The following NEK9 variants were observed in gnomAD, a reference collection of about 807,000 sequenced individuals.
The protein encoded by NEK9 is NIMA related kinase 9.
NEK9 carries 75 observed loss-of-function variants against 123.4 expected under a neutral mutation model. That is an observed-to-expected ratio of 0.61 (90% CI 0.50 to 0.74). NEK9 has a LOEUF of 0.74. Ranked by LOEUF, NEK9 falls within the 30% of genes least tolerant of loss-of-function variation. The pLI is 0.00. For synonymous variants in NEK9, 438 were observed against 458.7 expected, an observed-to-expected ratio of 0.95 and a Z score of 0.58; for missense variants, 952 against 1,214.4, an observed-to-expected ratio of 0.78 and a Z score of 3.21.
Position 75,109,757 on chromosome 14 carries a change from A to G in NEK9, c.1110T>C (p.Ser370=). ...TATTCCCTGCACAGACCTGCCGGGC[A>G]CTACAGCCACTCTTGATAACATCCA... ...QKLDVIKSGC[S]ARQVCAGNTH... The change falls in exon 10 of 22, where the codon AGT becomes AGC. Residue 370 remains serine, a synonymous_variant. Coordinates refer to ENST00000238616, the MANE Select transcript of NEK9 (RefSeq NM_033116.6). The G allele has an allele frequency of 6.2e-7, 1 of 1,614,164 alleles. No individual in the cohort carries two copies. The highest frequency in any genetic ancestry group is 8.5e-7 in the Non-Finnish European group (1 of 1,180,024).
At chr14:75,111,300 C>T (rs1441049166) in intron 8 of NEK9, among the ~76,000 whole-genome samples, 2 of 152,200 alleles carry the variant, frequency 1.3e-5, no homozygotes, top group Admixed American at 1.3e-4. Flanking sequence ...TATAGCTGAG[C>T]TCCTAGAGTA....
chr14:75,114,458 A>C, intron 6 of NEK9, 145 bp from the exon 7 acceptor site: 1 of 498,312 alleles, frequency 2.0e-6, no homozygotes, highest in Non-Finnish European at 3.6e-6. Context: ...AGTATGCATC[A>C]AAAAAAAATG....
At position 75,084,776 on chromosome 14, in the gene NEK9, A is replaced by C. The variant is rs536542639; in HGVS notation, c.2818-90T>G. The stretch of plus-strand genomic sequence containing the variant: ...ACTATATTTTCAATGCCAACTTCTA[A>C]GGCATTGGCTAAGGCGTGGCTAAGG... On this transcript the variant is annotated intron_variant, in intron 21 of 21. Coordinates refer to ENST00000238616, the MANE Select transcript of NEK9 (RefSeq NM_033116.6). The C allele has an allele frequency of 5.2e-6, 8 of 1,536,240 alleles. No individual in the cohort carries two copies. The South Asian group carries it at 9.2e-5, about 18-fold the overall frequency.
chr14:75,094,280 G>A (rs902711459), intron 18 of NEK9, among the ~76,000 whole-genome samples: 2 of 152,302 alleles, frequency 1.3e-5, no homozygotes, highest in East Asian at 3.9e-4. Context: ...GATTGTTTAT[G>A]TATTTATTCA....
At chr14:75,110,452 G>T (rs944250648) in intron 8 of NEK9, 81 bp from the exon 9 acceptor site, 1 of 1,095,326 alleles carries the variant, frequency 9.1e-7, no homozygotes, top group Non-Finnish European at 1.4e-6. Flanking sequence ...ACATTTCACA[G>T]ATTTAATCCT....
Position 75,120,598 on chromosome 14 carries a change from A to G in NEK9, c.454-18T>C, listed in dbSNP as rs1895296589. Reference sequence around the variant, plus strand: ...ACCACCATCTGCAGAGAAAAAATAAATATTTGGATTAGAAACAAAAAGCTC... The same window carrying G: ...ACCACCATCTGCAGAGAAAAAATAAGTATTTGGATTAGAAACAAAAAGCTC... On this transcript the variant is annotated intron_variant, in intron 3 of 21. Coordinates refer to ENST00000238616, the MANE Select transcript of NEK9 (RefSeq NM_033116.6). 1 of 1,597,786 alleles carries G rather than the reference A, an allele frequency of 6.3e-7. No individual in the cohort carries two copies. The highest frequency in any genetic ancestry group is 8.6e-7 in the Non-Finnish European group (1 of 1,167,246).
At chr14:75,087,396 C>T (rs999507967) in intron 20 of NEK9, among the ~76,000 whole-genome samples, 166 bp from the exon 21 acceptor site, 2 of 152,164 alleles carry the variant, frequency 1.3e-5, no homozygotes, top group Admixed American at 6.5e-5. Flanking sequence ...ATTATAACAG[C>T]GATGGGCACT....
Position 75,100,975 on chromosome 14 carries a change from G to A in NEK9, c.2002+17C>T. 1.2e-6 allele frequency: 2 copies of A among 1,611,258 alleles called. No homozygotes were observed. The highest frequency in any genetic ancestry group is 1.1e-5 in the South Asian group (1 of 90,628). ...GCCATGTGTCCAGAAAGCTTGAAATGATATGTACAGACTCACCATCAGTGG... is the reference window on the plus strand; with the variant it reads ...GCCATGTGTCCAGAAAGCTTGAAATAATATGTACAGACTCACCATCAGTGG... On this transcript the variant is annotated intron_variant, in intron 16 of 21. Coordinates refer to ENST00000238616, the MANE Select transcript of NEK9 (RefSeq NM_033116.6).
intron 3 of NEK9, 122 bp downstream of exon 3, chr14:75,120,997 C>T (rs1330022847): frequency 2.5e-6 from 2 of 809,102 alleles, no homozygotes; most frequent in Non-Finnish European, 4.3e-6. Context: ...ATATCAGAGC[C>T]TGGAAGGAGT....
chr14:75,126,811 C>A lies in NEK9; in HGVS notation c.111G>T (p.Gly37=), dbSNP rs1452712002. ...CCGCCGCGCCGCCGCCGGCTCGCGG[C>A]CCCTGACTGGCGCTAGGCCCCGGAC... ...DSSPGPSASQ[G]PRAGGGAAEQ... The change falls in exon 1 of 22, where the codon GGG becomes GGT. Residue 37 remains glycine, a synonymous_variant. Transcript: ENST00000238616. 2 of 1,532,846 alleles carry A rather than the reference C, an allele frequency of 1.3e-6. No homozygotes were observed. Among genetic ancestry groups the A allele is most frequent in the East Asian group, 2.6e-5 (1 of 38,372 alleles). 95.0% of individuals were successfully genotyped at this position (1,532,846 alleles called of 1,614,324 possible).
At chr14:75,125,443 C>A (rs764817703) in intron 1 of NEK9, among the ~76,000 whole-genome samples, 1 of 152,110 alleles carries the variant, frequency 6.6e-6, no homozygotes, top group Non-Finnish European at 1.5e-5. Flanking sequence ...TCAAATTTAA[C>A]TCAAAACCAA....
chr14:75,123,472 C>A (rs921915246), intron 2 of NEK9, among the ~76,000 whole-genome samples: 3 of 151,792 alleles, frequency 2.0e-5, no homozygotes, highest in African/African-American at 7.3e-5. Context: ...AAGTTTCTTG[C>A]CAAGGTTATA....
At chr14:75,095,532 A>G (rs1894355086) in intron 17 of NEK9, 101 bp from the exon 18 acceptor site, 1 of 693,060 alleles carries the variant, frequency 1.4e-6, no homozygotes, top group Non-Finnish European at 2.5e-6. Flanking sequence ...TTGACTCCAG[A>G]TAACTTTAGA....
chr14:75,100,947 A>G, intron 16 of NEK9, 45 bp downstream of exon 16: 1 of 1,574,280 alleles, frequency 6.4e-7, no homozygotes, highest in Non-Finnish European at 8.6e-7. Context: ...GAACTGAAAC[A>G]CAGCCATGTG....
intron 12 of NEK9, 198 bp from the exon 13 acceptor site, chr14:75,106,194 C>T: frequency 1.7e-6 from 1 of 595,382 alleles, no homozygotes; most frequent in South Asian, 2.0e-5. Context: ...CCCATCTCTA[C>T]TAAAAATACA....
Position 75,101,879 on chromosome 14 carries a change from T to G in NEK9, c.1732-114A>C, listed in dbSNP as rs1295933017. 33 of 671,448 alleles carry G rather than the reference T, an allele frequency of 4.9e-5. No individual in the cohort carries two copies. In the East Asian group the frequency reaches 5.0e-4, roughly 10 times the overall value. 41.6% of individuals were successfully genotyped at this position (671,448 alleles called of 1,614,324 possible). A position where few individuals can be genotyped will look rare whatever the true frequency, so the allele number is the denominator to read the frequency against. ...AAAAGGCCTTTCAAGTAAGTTATAT[T>G]ACTAAGAAGAGGGTGCCAGGTAGTT... On this transcript the variant is annotated intron_variant, in intron 14 of 21. Coordinates refer to ENST00000238616, the MANE Select transcript of NEK9 (RefSeq NM_033116.6).
chr14:75,124,540 T>C (rs747470469), intron 1 of NEK9, among the ~76,000 whole-genome samples: 2 of 151,992 alleles, frequency 1.3e-5, no homozygotes, highest in Non-Finnish European at 1.5e-5. Flanking sequence ...CTAATCATGA[T>C]GGTGATTATG....
chr14:75,126,828 G>GCCCCGGACTCGAGTCCCCGCAAC lies in NEK9; in HGVS notation c.71_93dup (p.Pro32ValfsTer62), dbSNP rs1895550739. 1 of 1,533,876 alleles carries GCCCCGGACTCGAGTCCCCGCAAC rather than the reference G, an allele frequency of 6.5e-7. No individual in the cohort carries two copies. Among genetic ancestry groups the GCCCCGGACTCGAGTCCCCGCAAC allele is most frequent in the Non-Finnish European group, 8.8e-7 (1 of 1,140,722 alleles). ...GCTCGCGGCCCCTGACTGGCGCTAG[G>GCCCCGGACTCGAGTCCCCGCAAC]CCCCGGACTCGAGTCCCCGCAACCC... is the stretch of plus-strand genomic sequence containing the variant. On this transcript the variant is annotated frameshift_variant, in exon 1 of 22. Transcript: ENST00000238616. LOFTEE classifies it high-confidence loss of function.
At chr14:75,126,612 GCTCA>G in intron 1 of NEK9, 87 bp downstream of exon 1, 1 of 1,060,924 alleles carries the variant, frequency 9.4e-7, no homozygotes, top group Middle Eastern at 3.2e-4. Context: ...AAAGCACTAA[GCTCA>G]CGACGCTGGG....
Sources: allele counts gnomAD v4.1 joint callset (sites outside exome capture counted in the v4.1 genomes callset), GRCh38; gene constraint gnomAD v4.1.1; transcripts MANE v1.5; gene names NCBI Gene and HGNC (gene_info 2026-07-23, HGNC 2026-07-21).